The following SNTB1 variants were observed in gnomAD, a reference collection of about 807,000 sequenced individuals.
SNTB1 encodes beta-1-syntrophin.
In SNTB1, 36 loss-of-function variants were observed where a neutral mutation model predicts 48.9. The observed-to-expected ratio is 0.74, with a 90% CI of 0.56 to 0.97. The LOEUF (loss-of-function observed/expected upper bound fraction) is 0.97. Among genes scored for constraint, SNTB1 ranks in the 50% least tolerant of loss-of-function variants. The pLI is 0.00. For missense variants in SNTB1, 786 were observed against 703.4 expected, an observed-to-expected ratio of 1.12 and a Z score of -1.33; for synonymous variants, 299 against 294.6, an observed-to-expected ratio of 1.01 and a Z score of -0.15.
At chr8:120,564,539 C>A (rs1002794603) in intron 4 of SNTB1, among the ~76,000 whole-genome samples, 4 of 139,530 alleles carry the variant, frequency 2.9e-5, no homozygotes, top group Admixed American at 1.5e-4. Context: ...TTCATAACTG[C>A]CCTGCAATAG....
chr8:120,811,479 C>A lies in SNTB1; in HGVS notation c.365G>T (p.Gly122Val). The change falls in exon 1 of 7, where the codon GGG becomes GTG. Residue 122 changes from glycine (G) to valine (V), a missense_variant. By Grantham distance (109) the Gly-to-Val change is moderately radical. Transcript: ENST00000517992. ...GVKVLKQELG[G>V]LGISIKGGKE... ...GCCCCCCTTGATGCTGATCCCCAGC[C>A]CGCCCAGCTCCTGCTTCAGCACCTT... 1.2e-6 allele frequency: 2 copies of A among 1,614,016 alleles called. No homozygotes were observed. Among genetic ancestry groups the A allele is most frequent in the Non-Finnish European group, 1.7e-6 (2 of 1,179,926 alleles).
At chr8:120,770,892 C>T (rs2130098247) in intron 1 of SNTB1, among the ~76,000 whole-genome samples, 1 of 152,284 alleles carries the variant, frequency 6.6e-6, no homozygotes, top group Admixed American at 6.5e-5. Flanking sequence ...TTTTCTTATG[C>T]AGTTTATGTC....
chr8:120,586,448 G>A (rs1019850484), intron 3 of SNTB1, among the ~76,000 whole-genome samples: 2 of 152,030 alleles, frequency 1.3e-5, no homozygotes, highest in African/African-American at 4.8e-5. Flanking sequence ...TCCTGCTTCC[G>A]GGTCCCCCAC....
chr8:120,649,820 C>T (rs1817379509), intron 2 of SNTB1, among the ~76,000 whole-genome samples: 2 of 152,234 alleles, frequency 1.3e-5, no homozygotes, highest in South Asian at 4.1e-4. Flanking sequence ...ATCAGCGAGA[C>T]TCCGTGGGCG....
chr8:120,640,919 T>G (rs912407549), intron 2 of SNTB1, among the ~76,000 whole-genome samples: 3 of 152,190 alleles, frequency 2.0e-5, no homozygotes, highest in Admixed American at 6.5e-5. Context: ...TCCCTCTTTT[T>G]CTATTGATTG....
chr8:120,606,247 A>T (rs1032475018), intron 3 of SNTB1, among the ~76,000 whole-genome samples: 1 of 146,842 alleles, frequency 6.8e-6, no homozygotes, highest in Non-Finnish European at 1.5e-5. Context: ...ATAATATAAT[A>T]ATATATAATT....
chr8:120,807,285 C>A (rs1041640806), intron 1 of SNTB1, among the ~76,000 whole-genome samples: 1 of 152,196 alleles, frequency 6.6e-6, no homozygotes, highest in African/African-American at 2.4e-5. Context: ...GAGCAAAAAA[C>A]TCCTCTGTCC....
At chr8:120,697,856 T>C (rs1304636839) in intron 1 of SNTB1, among the ~76,000 whole-genome samples, 1 of 152,138 alleles carries the variant, frequency 6.6e-6, no homozygotes, top group Non-Finnish European at 1.5e-5. Context: ...AAACAGAATG[T>C]TTAGTAATAT....
intron 1 of SNTB1, among the ~76,000 whole-genome samples, chr8:120,796,386 G>GAAATAA (rs1820119576): frequency 1.3e-5 from 2 of 152,104 alleles, no homozygotes; most frequent in South Asian, 4.2e-4. Context: ...AAATAAGATC[G>GAAATAA]CATGTGAGGT....
At chr8:120,668,764 G>A (rs1398658155) in intron 2 of SNTB1, among the ~76,000 whole-genome samples, 1 of 152,186 alleles carries the variant, frequency 6.6e-6, no homozygotes, top group Non-Finnish European at 1.5e-5. Flanking sequence ...AGAACAGCTG[G>A]AGAAAATAAG....
chr8:120,653,307 A>G (rs1410086307), intron 2 of SNTB1, among the ~76,000 whole-genome samples: 1 of 152,166 alleles, frequency 6.6e-6, no homozygotes, highest in African/African-American at 2.4e-5. Context: ...AGAGACAGAA[A>G]AGACATAGAG....
intron 1 of SNTB1, among the ~76,000 whole-genome samples, chr8:120,779,683 A>C (rs1489920623): frequency 6.6e-6 from 1 of 152,138 alleles, no homozygotes; most frequent in Non-Finnish European, 1.5e-5. Context: ...GGTAAAACGA[A>C]CTTTGAGAGA....
intron 1 of SNTB1, among the ~76,000 whole-genome samples, chr8:120,711,709 G>T: frequency 6.6e-6 from 1 of 152,062 alleles, no homozygotes; most frequent in African/African-American, 2.4e-5. Context: ...AAGCCTACAA[G>T]TCATGCAGGA....
At chr8:120,799,688 C>G (rs941587056) in intron 1 of SNTB1, among the ~76,000 whole-genome samples, 1 of 151,844 alleles carries the variant, frequency 6.6e-6, no homozygotes, top group Non-Finnish European at 1.5e-5. Context: ...ATAGGATTTC[C>G]GCATGCAGAT....
intron 2 of SNTB1, among the ~76,000 whole-genome samples, chr8:120,674,005 T>G (rs1268259085): frequency 6.6e-6 from 1 of 152,134 alleles, no homozygotes. Flanking sequence ...TTGGAGAATA[T>G]TTTCCCTCAT....
intron 2 of SNTB1, chr8:120,654,899 T>C (rs1366580338): frequency 4.5e-6 from 2 of 443,392 alleles, no homozygotes; most frequent in African/African-American, 4.1e-5. Context: ...CAAGTGACTC[T>C]GGAGAAAACA....
chr8:120,732,647 C>G (rs1265230206), intron 1 of SNTB1, among the ~76,000 whole-genome samples: 1 of 152,152 alleles, frequency 6.6e-6, no homozygotes, highest in East Asian at 1.9e-4. Flanking sequence ...GAGTTTAAGA[C>G]CAGCCTGGCC....
At chr8:120,798,775 T>C (rs1820165575) in intron 1 of SNTB1, among the ~76,000 whole-genome samples, 1 of 152,064 alleles carries the variant, frequency 6.6e-6, no homozygotes, top group Non-Finnish European at 1.5e-5. Flanking sequence ...CAGCTTTTTA[T>C]AAAAGATTTG....
chr8:120,584,089 G>A lies in SNTB1; in HGVS notation c.997-8864C>T, dbSNP rs150302403. Among the ~76,000 whole-genome samples the A allele has an allele frequency of 1.8e-4, 27 of 152,228 alleles. 1 individual carries two copies. The East Asian group carries it at 5.2e-3, about 29-fold the overall frequency. Reference sequence around the variant, plus strand: ...AACACCTTGGGAGACCGAGGTAGGTGGATCACTTGAGGTCAAGACCAGCCT... The same window carrying A: ...AACACCTTGGGAGACCGAGGTAGGTAGATCACTTGAGGTCAAGACCAGCCT... On this transcript the variant is annotated intron_variant, in intron 3 of 6. Transcript: ENST00000517992.
Sources: allele counts gnomAD v4.1 joint callset (sites outside exome capture counted in the v4.1 genomes callset), GRCh38; gene constraint gnomAD v4.1.1; transcripts MANE v1.5; gene names NCBI Gene and HGNC (gene_info 2026-07-23, HGNC 2026-07-21).